The following NFIB variants were observed in gnomAD, a reference collection of about 807,000 sequenced individuals.
NFIB encodes the protein nuclear factor I B.
A neutral mutation model predicts 61.5 loss-of-function variants in NFIB; 11 were observed. The ratio of observed to expected loss-of-function variants is 0.18; its 90% confidence interval spans 0.11 to 0.30. The LOEUF (loss-of-function observed/expected upper bound fraction) is 0.30. Among genes scored for constraint, NFIB ranks in the 10% least tolerant of loss-of-function variants. NFIB has a pLI of 1.00. For synonymous variants in NFIB, 260 were observed against 216.5 expected, an observed-to-expected ratio of 1.20 and a Z score of -1.76; for missense variants, 471 against 608.9, an observed-to-expected ratio of 0.77 and a Z score of 2.38.
chr9:14,472,161 C>T, the NFIB span, among the ~76,000 whole-genome samples: 2 of 152,234 alleles, frequency 1.3e-5, no homozygotes, highest in South Asian at 4.1e-4. Flanking sequence ...ATGTTGTGTC[C>T]CTTGCAATAT....
At chr9:14,210,948 A>G (rs952228857) in intron 2 of NFIB, among the ~76,000 whole-genome samples, 8 of 152,192 alleles carry the variant, frequency 5.3e-5, no homozygotes, top group African/African-American at 1.9e-4. Flanking sequence ...AAAGTAAAGG[A>G]AAGTCTAATT....
chr9:14,088,141 C>CT lies in NFIB; in HGVS notation c.*167dup, dbSNP rs745329834. 3.8e-4 allele frequency: 510 copies of CT among 1,351,558 alleles called. No individual in the cohort carries two copies. Among genetic ancestry groups the CT allele is most frequent in the South Asian group, 5.5e-4 (32 of 58,192 alleles). The allele number at this position is 1,351,558 out of a possible 1,614,324, so 83.7% of individuals were successfully genotyped here. A position where few individuals can be genotyped will look rare whatever the true frequency, so the allele number is the denominator to read the frequency against. On this transcript the variant is annotated 3_prime_UTR_variant, in exon 11 of 11. Transcript: ENST00000380953. ...TGTTTTGTCCAGTCTTCCTCTTTTC[C>CT]TTTTTTTTTATTTAAAAAAAAAATT...
chr9:14,179,816 T>G (rs1362348574), intron 2 of NFIB, 36 bp from the exon 3 acceptor site: 3 of 1,606,350 alleles, frequency 1.9e-6, no homozygotes, highest in Middle Eastern at 1.7e-4. Flanking sequence ...TTCTTTTTAA[T>G]TTGTTTTGAA....
chr9:14,162,373 C>A (rs73411963), intron 3 of NFIB, among the ~76,000 whole-genome samples: 8,625 of 151,754 alleles, frequency 0.057, 708 homozygotes, highest in African/African-American at 0.18. Flanking sequence ...AGTAGAGATT[C>A]TCCGGTTTTT....
rs191557933 is a variant in NFIB at position 14,229,179 on chromosome 9, C to T, written c.563-49399G>A. ...GGTAATCTCCAACTTACTATTGATT[C>T]GTGCTCTAAAAGCTCATCGGTAAGT... On this transcript the variant is annotated intron_variant, in intron 2 of 10. Coordinates refer to ENST00000380953, the MANE Select transcript of NFIB (RefSeq NM_001190737.2). 1.3e-4 allele frequency among the ~76,000 whole-genome samples: 20 copies of T among 152,232 alleles called. No homozygotes were observed. In the East Asian group the frequency reaches 2.7e-3, roughly 21 times the overall value.
the NFIB span, among the ~76,000 whole-genome samples, chr9:14,512,358 A>G: frequency 6.6e-6 from 1 of 152,180 alleles, no homozygotes; most frequent in Non-Finnish European, 1.5e-5. Flanking sequence ...GCTCTTTCAG[A>G]CAACACACTC....
the NFIB span, among the ~76,000 whole-genome samples, chr9:14,477,622 TG>T: frequency 6.6e-6 from 1 of 152,218 alleles, no homozygotes; most frequent in African/African-American, 2.4e-5. Flanking sequence ...GTTCTGGTAA[TG>T]CATGAGTTGG....
At chr9:14,314,918 C>T (rs1245109682), upstream of NFIB, among the ~76,000 whole-genome samples, 1 of 151,878 alleles carries the variant, frequency 6.6e-6, no homozygotes, top group Non-Finnish European at 1.5e-5. Flanking sequence ...TTTTAAGCCG[C>T]GGGAACATCC....
chr9:14,288,862 T>C (rs2058886836), intron 2 of NFIB, among the ~76,000 whole-genome samples: 1 of 152,022 alleles, frequency 6.6e-6, no homozygotes. Context: ...GTACAGTGCT[T>C]CCACTCCATA....
At chr9:14,483,128 T>C in the NFIB span, among the ~76,000 whole-genome samples, 1 of 152,170 alleles carries the variant, frequency 6.6e-6, no homozygotes, top group South Asian at 2.1e-4. Flanking sequence ...GCTTAGGCTG[T>C]TCGAAAAGAA....
At chr9:14,190,209 C>T (rs2047795639) in intron 2 of NFIB, among the ~76,000 whole-genome samples, 1 of 151,918 alleles carries the variant, frequency 6.6e-6, no homozygotes, top group South Asian at 2.1e-4. Context: ...GATTAATAAC[C>T]AGTCCTTGTT....
chr9:14,404,433 T>C, the NFIB span, among the ~76,000 whole-genome samples: 7 of 152,166 alleles, frequency 4.6e-5, no homozygotes, highest in Non-Finnish European at 8.8e-5. Context: ...CACATGCATA[T>C]ACATATACAG....
chr9:14,165,247 G>A (rs1021252858), intron 3 of NFIB, among the ~76,000 whole-genome samples: 2 of 151,952 alleles, frequency 1.3e-5, no homozygotes, highest in Admixed American at 1.3e-4. Context: ...AATAAGACAA[G>A]CTTCCTCATG....
intron 6 of NFIB, among the ~76,000 whole-genome samples, chr9:14,127,814 C>A (rs146049187): frequency 6.6e-6 from 1 of 151,674 alleles, no homozygotes; most frequent in East Asian, 2.0e-4. Flanking sequence ...GTAGACATCA[C>A]AGTCTACAAA....
At chr9:14,470,251 T>C in the NFIB span, among the ~76,000 whole-genome samples, 2 of 152,178 alleles carry the variant, frequency 1.3e-5, no homozygotes, top group Admixed American at 6.5e-5. Context: ...GCAGAGTCTA[T>C]GTGCAACTCT....
At chr9:14,306,963 T>C (rs1448703768) in intron 2 of NFIB, 26 bp downstream of exon 2, 20 of 1,609,894 alleles carry the variant, frequency 1.2e-5, no homozygotes, top group Non-Finnish European at 1.6e-5. Context: ...TTTGCCGTGC[T>C]AGAAAAAAGA....
At chr9:14,310,952 T>C (rs1426955209) in intron 1 of NFIB, among the ~76,000 whole-genome samples, 1 of 152,000 alleles carries the variant, frequency 6.6e-6, no homozygotes, top group Admixed American at 6.6e-5. Context: ...TAACAACAAA[T>C]CATGCAAAAA....
chr9:14,463,659 C>CT, the NFIB span, among the ~76,000 whole-genome samples: 167 of 65,728 alleles, frequency 2.5e-3, no homozygotes, highest in Non-Finnish European at 4.2e-3. Flanking sequence ...ATTTGATTTT[C>CT]TTTTTTTTTT....
intron 1 of NFIB, among the ~76,000 whole-genome samples, chr9:14,320,136 G>A (rs984311860): frequency 2.0e-5 from 3 of 152,182 alleles, no homozygotes; most frequent in Non-Finnish European, 4.4e-5. Context: ...GGATGCCTAT[G>A]TCTGCTAAAG....
Sources: gnomAD v4.1 joint callset for allele counts (sites outside exome capture counted in the v4.1 genomes callset) on GRCh38, gnomAD v4.1.1 for gene constraint, MANE v1.5 for transcripts, NCBI Gene and HGNC (gene_info 2026-07-23, HGNC 2026-07-21) for gene names.